CAST: variants seen among roughly 807,000 people sequenced by gnomAD.
The protein encoded by CAST is MIR583 host.
CAST carries 76 observed loss-of-function variants against 119.6 expected under a neutral mutation model. That is an observed-to-expected ratio of 0.64 (90% CI 0.53 to 0.77). CAST has a LOEUF of 0.77. CAST is among the 30% of genes least tolerant of loss of function. The pLI, the probability that CAST is intolerant of heterozygous loss-of-function variation, is 0.00. For synonymous variants in CAST, 319 were observed against 331.6 expected (o/e 0.96, Z 0.41); for missense variants, 953 against 946.5 (o/e 1.01, Z -0.09).
chr5:96,092,878 C>T, the CAST span, among the ~76,000 whole-genome samples: 2 of 152,118 alleles, frequency 1.3e-5, no homozygotes, highest in Non-Finnish European at 1.5e-5. Context: ...GGAGAGACAC[C>T]GTGTAGCTTA....
At chr5:96,494,446 G>A in the CAST span, among the ~76,000 whole-genome samples, 1 of 152,174 alleles carries the variant, frequency 6.6e-6, no homozygotes, top group East Asian at 1.9e-4. Context: ...CAGACACTGA[G>A]GAACACCATT....
the CAST span, among the ~76,000 whole-genome samples, chr5:96,123,182 G>A: frequency 2.0e-5 from 3 of 151,998 alleles, no homozygotes; most frequent in East Asian, 3.9e-4. Flanking sequence ...TAGGATACAC[G>A]TATTAGGCTT....
chr5:96,017,831 G>A, the CAST span, among the ~76,000 whole-genome samples: 1 of 152,132 alleles, frequency 6.6e-6, no homozygotes, highest in Non-Finnish European at 1.5e-5. Context: ...GATATATGAA[G>A]TGAGCCACAA....
At chr5:96,278,268 T>G in the CAST span, among the ~76,000 whole-genome samples, 1 of 152,182 alleles carries the variant, frequency 6.6e-6, no homozygotes, top group Admixed American at 6.5e-5. Flanking sequence ...CTGTTCCTCC[T>G]AGAACCACAG....
chr5:96,457,694 T>G, the CAST span, among the ~76,000 whole-genome samples: 1 of 152,200 alleles, frequency 6.6e-6, no homozygotes, highest in South Asian at 2.1e-4. Flanking sequence ...TCTCTTCCAA[T>G]TTGAATTACA....
the CAST span, among the ~76,000 whole-genome samples, chr5:96,208,533 T>C: frequency 6.6e-6 from 1 of 152,066 alleles, no homozygotes; most frequent in African/African-American, 2.4e-5. Context: ...ATATCTTTGT[T>C]CTCATTAATT....
the CAST span, among the ~76,000 whole-genome samples, chr5:96,064,474 TAA>T: frequency 1.1e-5 from 1 of 93,776 alleles, no homozygotes; most frequent in Non-Finnish European, 2.9e-5. Flanking sequence ...CAAAAGTATG[TAA>T]TTGCAGCCCT....
At chr5:96,050,266 A>C in the CAST span, 1 of 152,300 alleles carries the variant, frequency 6.6e-6, no homozygotes, top group Non-Finnish European at 1.5e-5. Context: ...GTGAGGGGAA[A>C]AGAGAGACAT....
chr5:96,300,226 T>C, the CAST span, among the ~76,000 whole-genome samples: 2 of 152,182 alleles, frequency 1.3e-5, no homozygotes, highest in Admixed American at 1.3e-4. Flanking sequence ...AGTATTTTTA[T>C]AGTTTCAAGT....
chr5:96,067,170 G>A, the CAST span, among the ~76,000 whole-genome samples: 404 of 152,172 alleles, frequency 2.7e-3, 1 homozygote, highest in African/African-American at 8.7e-3. Flanking sequence ...TAAAGTTAAT[G>A]CCATGTAAAA....
intron 20 of CAST, among the ~76,000 whole-genome samples, chr5:96,751,219 T>C (rs1349373772): frequency 2.0e-5 from 3 of 152,156 alleles, no homozygotes; most frequent in Admixed American, 6.5e-5. Context: ...GTGTTTTTTT[T>C]CCATTAGTTA....
chr5:96,766,313 G>A (rs1285744461), intron 27 of CAST, among the ~76,000 whole-genome samples, 168 bp downstream of exon 27: 1 of 152,142 alleles, frequency 6.6e-6, no homozygotes, highest in Admixed American at 6.5e-5. Context: ...ATATTTATTT[G>A]AGCCAATATC....
chr5:96,203,751 A>G, the CAST span, among the ~76,000 whole-genome samples: 1 of 152,082 alleles, frequency 6.6e-6, no homozygotes, highest in Non-Finnish European at 1.5e-5. Context: ...TCACAGCCAC[A>G]TATCTCAGAT....
At chr5:96,747,270 C>A in intron 17 of CAST, 75 bp from the exon 18 acceptor site, 1 of 807,372 alleles carries the variant, frequency 1.2e-6, no homozygotes, top group South Asian at 1.6e-5. Context: ...CCTGGAATTC[C>A]CAGAAACAAA....
the CAST span, among the ~76,000 whole-genome samples, chr5:96,356,908 T>C: frequency 6.6e-6 from 1 of 152,240 alleles, no homozygotes; most frequent in Admixed American, 6.5e-5. Context: ...ATTGAGTCTA[T>C]AAATTACTGT....
the CAST span, among the ~76,000 whole-genome samples, chr5:96,472,396 A>G: frequency 6.6e-6 from 1 of 152,164 alleles, no homozygotes; most frequent in Non-Finnish European, 1.5e-5. Context: ...GTATTGATTG[A>G]TTGGTTAACT....
At chr5:96,070,671 GTTGAA>G in the CAST span, among the ~76,000 whole-genome samples, 91,950 of 151,432 alleles carry the variant, frequency 0.61, 28,093 homozygotes, top group Non-Finnish European at 0.63. Flanking sequence ...TTTTGAATAC[GTTGAA>G]TTGAAGATAT....
At chr5:96,552,596 C>A (rs1244542420) in intron 1 of CAST, among the ~76,000 whole-genome samples, 1 of 152,032 alleles carries the variant, frequency 6.6e-6, no homozygotes, top group Non-Finnish European at 1.5e-5. Flanking sequence ...GATAGAGACA[C>A]AAAAAGCCCT....
intron 1 of CAST, among the ~76,000 whole-genome samples, chr5:96,542,800 C>T (rs1214795592): frequency 6.6e-6 from 1 of 152,194 alleles, no homozygotes; most frequent in East Asian, 1.9e-4. Flanking sequence ...CTCATTATCA[C>T]TGGTCATTAA....
Sources: allele counts gnomAD v4.1 joint callset (sites outside exome capture counted in the v4.1 genomes callset), GRCh38; gene constraint gnomAD v4.1.1; transcripts MANE v1.5; gene names NCBI Gene and HGNC (gene_info 2026-07-23, HGNC 2026-07-21).